Variants in MYZAP observed in about 807,000 individuals in gnomAD.
MYZAP encodes GRINL1A complex locus upstream.
In MYZAP, 66 loss-of-function variants were observed where a neutral mutation model predicts 69.4. The observed-to-expected ratio is 0.95, with a 90% CI of 0.78 to 1.17. The LOEUF (loss-of-function observed/expected upper bound fraction) is 1.17, where lower values mean the gene tolerates loss of function less well. MYZAP is among the 50% of genes most tolerant of loss of function. The pLI is 0.00. For missense variants in MYZAP, 611 were observed against 556.2 expected, an observed-to-expected ratio of 1.10 and a Z score of -0.99; for synonymous variants, 256 against 205.9, an observed-to-expected ratio of 1.24 and a Z score of -2.09.
At chr15:57,611,209 G>C (rs1476172518) in intron 2 of MYZAP, among the ~76,000 whole-genome samples, 7 of 152,116 alleles carry the variant, frequency 4.6e-5, no homozygotes, top group African/African-American at 1.7e-4. Context: ...GGACCCTGAA[G>C]CTCTTTAAAG....
chr15:57,647,559 C>A, intron 10 of MYZAP: 1 of 985,426 alleles, frequency 1.0e-6, no homozygotes, highest in Non-Finnish European at 1.2e-6. Flanking sequence ...CCATGTAAGT[C>A]CTGCTTTCAG....
intron 2 of MYZAP, among the ~76,000 whole-genome samples, chr15:57,609,081 A>G (rs1201433832): frequency 6.6e-6 from 1 of 152,196 alleles, no homozygotes; most frequent in African/African-American, 2.4e-5. Context: ...AGGTATAGAT[A>G]TATATTTTTG....
intron 1 of MYZAP, among the ~76,000 whole-genome samples, chr15:57,598,910 A>G (rs571291281): frequency 1.3e-5 from 2 of 152,264 alleles, no homozygotes; most frequent in South Asian, 2.1e-4. Context: ...CTGTCCTTCT[A>G]TACCCAGCTT....
At chr15:57,609,366 C>G (rs1393094340) in intron 2 of MYZAP, among the ~76,000 whole-genome samples, 2 of 152,226 alleles carry the variant, frequency 1.3e-5, no homozygotes, top group Admixed American at 1.3e-4. Flanking sequence ...GGTGCCTCCT[C>G]TGAAGGCTCC....
Position 57,661,427 on chromosome 15 carries a change from A to G in MYZAP, c.1120-23A>G, listed in dbSNP as rs762908462. Reference sequence around the variant, plus strand: ...CACAATTGTACATTTTTGATTAACAATTTTCCATCCCTTTCTTTCTAGATT... The same window carrying G: ...CACAATTGTACATTTTTGATTAACAGTTTTCCATCCCTTTCTTTCTAGATT... On this transcript the variant is annotated intron_variant, in intron 10 of 12. Transcript: ENST00000267853. 1.0e-5 allele frequency: 16 copies of G among 1,576,896 alleles called. No homozygotes were observed. In the African/African-American group the frequency reaches 1.6e-4, roughly 16 times the overall value.
chr15:57,678,058 A>AAAAAAAAC (rs2039231949), intron 12 of MYZAP, among the ~76,000 whole-genome samples: 1 of 111,706 alleles, frequency 9.0e-6, no homozygotes, highest in African/African-American at 2.9e-5. Flanking sequence ...AAAAAAAAAA[A>AAAAAAAAC]AAAAGAAAAG....
At chr15:57,650,094 T>C (rs1167223618) in intron 10 of MYZAP, among the ~76,000 whole-genome samples, 1 of 152,224 alleles carries the variant, frequency 6.6e-6, no homozygotes. Context: ...GTGTATCATA[T>C]GAATAGGACT....
intron 6 of MYZAP, among the ~76,000 whole-genome samples, 194 bp from the exon 7 acceptor site, chr15:57,632,240 C>G (rs761627138): frequency 6.6e-6 from 1 of 152,174 alleles, no homozygotes; most frequent in Non-Finnish European, 1.5e-5. Flanking sequence ...TGTGAAATGC[C>G]ACTTTTATTT....
chr15:57,629,748 A>G lies in MYZAP; in HGVS notation c.572A>G (p.Gln191Arg). Reference sequence around the variant, plus strand: ...TTGGAAAACAGCAACATTAAGGATCAAATCAGAAATCTGCAGCAGACGTAT... The same window carrying G: ...TTGGAAAACAGCAACATTAAGGATCGAATCAGAAATCTGCAGCAGACGTAT... ...VTLENSNIKD[Q>R]IRNLQQTYEA... is the part of the protein sequence containing the mutation. The change falls in exon 6 of 13, where the codon CAA becomes CGA. Residue 191 changes from glutamine (Q) to arginine (R), a missense_variant. Gln to Arg is a conservative substitution (Grantham distance 43). Coordinates refer to ENST00000267853, the MANE Select transcript of MYZAP (RefSeq NM_001018100.5). 1 of 1,613,640 alleles carries G rather than the reference A, an allele frequency of 6.2e-7. No individual in the cohort carries two copies. Among genetic ancestry groups the G allele is most frequent in the Non-Finnish European group, 8.5e-7 (1 of 1,179,892 alleles).
chr15:57,674,877 C>A (rs1481451593), intron 11 of MYZAP, 91 bp from the exon 12 acceptor site: 3 of 1,144,088 alleles, frequency 2.6e-6, no homozygotes, highest in East Asian at 5.0e-5. Context: ...TGTCATGGGG[C>A]AAAATCAGAT....
intron 2 of MYZAP, among the ~76,000 whole-genome samples, chr15:57,615,245 A>C (rs1231276501): frequency 3.3e-5 from 5 of 152,246 alleles, no homozygotes; most frequent in African/African-American, 1.2e-4. Flanking sequence ...GTCGTTAGAG[A>C]GCTGGATTGC....
At chr15:57,666,280 T>A (rs1469040203) in intron 11 of MYZAP, among the ~76,000 whole-genome samples, 1 of 152,206 alleles carries the variant, frequency 6.6e-6, no homozygotes, top group African/African-American at 2.4e-5. Flanking sequence ...GTTGAAATGT[T>A]GAAATCGTAT....
intron 1 of MYZAP, among the ~76,000 whole-genome samples, chr15:57,597,057 A>G (rs1214856275): frequency 5.3e-5 from 8 of 152,342 alleles, no homozygotes; most frequent in African/African-American, 1.7e-4. Flanking sequence ...TGGCAAATGG[A>G]AAAACAGGAA....
chr15:57,617,077 G>A (rs1284416694), intron 2 of MYZAP, among the ~76,000 whole-genome samples: 3 of 151,898 alleles, frequency 2.0e-5, no homozygotes, highest in Admixed American at 6.6e-5. Context: ...CTGTCCCCCT[G>A]CATCTAAACA....
chr15:57,616,365 C>T (rs1229070741), intron 2 of MYZAP, among the ~76,000 whole-genome samples: 11 of 152,226 alleles, frequency 7.2e-5, no homozygotes, highest in South Asian at 6.2e-4. Flanking sequence ...ATTGGCTGGG[C>T]GCAGTGGCTC....
At position 57,633,821 on chromosome 15, in the gene MYZAP, A is replaced by T. The variant is rs1249006588; in HGVS notation, c.933+80A>T. On this transcript the variant is annotated intron_variant, in intron 8 of 12. Coordinates refer to ENST00000267853, the MANE Select transcript of MYZAP (RefSeq NM_001018100.5). Reference sequence around the variant, plus strand: ...CCATCTGAGATACGAGAGGCCCTGGATATGGATTCCTCTCACCTCCAAAAT... The same window carrying T: ...CCATCTGAGATACGAGAGGCCCTGGTTATGGATTCCTCTCACCTCCAAAAT... 8.2e-6 allele frequency: 11 copies of T among 1,344,720 alleles called. No homozygotes were observed. The Admixed American group carries it at 2.9e-4, about 35-fold the overall frequency. 83.3% of individuals were successfully genotyped at this position (1,344,720 alleles called of 1,614,324 possible).
rs1261765803 is a variant in MYZAP at position 57,675,087 on chromosome 15, A to T, written c.1304+19A>T. On this transcript the variant is annotated intron_variant, in intron 12 of 12. Coordinates refer to ENST00000267853, the MANE Select transcript of MYZAP (RefSeq NM_001018100.5). ...TACCCAGGTATTTAGGAATTTCCTG[A>T]TTTTTTTTTTTATTCAAATTCCTCT... is the stretch of plus-strand genomic sequence containing the variant. 5.8e-6 allele frequency: 8 copies of T among 1,369,266 alleles called. No individual in the cohort carries two copies. In the African/African-American group the frequency reaches 1.2e-4, roughly 20 times the overall value. The allele number at this position is 1,369,266 out of a possible 1,614,324, so 84.8% of individuals were successfully genotyped here. A position where few individuals can be genotyped will look rare whatever the true frequency, so the allele number is the denominator to read the frequency against.
intron 10 of MYZAP, chr15:57,646,293 A>T: frequency 7.9e-7 from 1 of 1,260,534 alleles, no homozygotes; most frequent in Middle Eastern, 2.2e-4. Flanking sequence ...TTTATCTATG[A>T]TGAGCCAATG....
chr15:57,659,984 C>T (rs188874436), intron 10 of MYZAP, among the ~76,000 whole-genome samples: 64 of 152,054 alleles, frequency 4.2e-4, no homozygotes, highest in African/African-American at 1.5e-3. Flanking sequence ...TTCATGTGTC[C>T]CCACCTGTTT....
Sources: allele counts gnomAD v4.1 joint callset (sites outside exome capture counted in the v4.1 genomes callset), GRCh38; gene constraint gnomAD v4.1.1; transcripts MANE v1.5; gene names NCBI Gene and HGNC (gene_info 2026-07-23, HGNC 2026-07-21).